The following ULK4 variants were observed in gnomAD, a reference collection of about 807,000 sequenced individuals.
ULK4 encodes inactive serine/threonine-protein kinase ULK4.
In ULK4, 133 loss-of-function variants were observed where a neutral mutation model predicts 160.6. That is an observed-to-expected ratio of 0.83 (90% CI 0.72 to 0.96). ULK4 has a LOEUF of 0.96. Ranked by LOEUF, ULK4 falls within the 40% of genes least tolerant of loss-of-function variation. The pLI, the probability that ULK4 is intolerant of heterozygous loss-of-function variation, is 0.00. For missense variants in ULK4, 1,580 were observed against 1,499.5 expected, an observed-to-expected ratio of 1.05 and a Z score of -0.89; for synonymous variants, 534 against 539.8, an observed-to-expected ratio of 0.99 and a Z score of 0.15.
intron 34 of ULK4, among the ~76,000 whole-genome samples, chr3:41,417,174 A>AC (rs1388882191): frequency 6.6e-6 from 1 of 152,180 alleles, no homozygotes; most frequent in Admixed American, 6.5e-5. Context: ...TCTGTTCTGC[A>AC]CAGCACTTGT....
At chr3:41,956,537 G>A (rs1216380901) in intron 1 of ULK4, among the ~76,000 whole-genome samples, 1 of 152,150 alleles carries the variant, frequency 6.6e-6, no homozygotes, top group Non-Finnish European at 1.5e-5. Context: ...TACTGGTCTT[G>A]ACTGGTATGC....
chr3:41,728,183 G>A (rs904909574), intron 22 of ULK4, among the ~76,000 whole-genome samples: 2 of 152,182 alleles, frequency 1.3e-5, no homozygotes, highest in Non-Finnish European at 2.9e-5. Flanking sequence ...TGGTATTTAA[G>A]GCAATTGTCT....
chr3:41,597,042 T>C (rs576908504), intron 31 of ULK4, among the ~76,000 whole-genome samples: 9 of 152,156 alleles, frequency 5.9e-5, no homozygotes, highest in Non-Finnish European at 1.2e-4. Flanking sequence ...TTGGGGTTGG[T>C]GGTCAGGACA....
intron 31 of ULK4, among the ~76,000 whole-genome samples, chr3:41,574,642 T>C (rs1201034745): frequency 1.3e-5 from 2 of 148,640 alleles, no homozygotes. Context: ...CCCGGGTTCA[T>C]GCCATTCTCC....
intron 32 of ULK4, among the ~76,000 whole-genome samples, chr3:41,560,164 G>C (rs1035379431): frequency 2.0e-5 from 3 of 152,196 alleles, no homozygotes; most frequent in African/African-American, 7.2e-5. Flanking sequence ...TCAAAGATCA[G>C]ATGGTTGTAG....
At chr3:41,459,904 G>A (rs1006529032) in intron 33 of ULK4, among the ~76,000 whole-genome samples, 1 of 152,082 alleles carries the variant, frequency 6.6e-6, no homozygotes, top group African/African-American at 2.4e-5. Context: ...GAGTCAGTAA[G>A]TTATAGATAA....
At chr3:41,481,411 T>G (rs558445444) in intron 32 of ULK4, among the ~76,000 whole-genome samples, 13 of 152,188 alleles carry the variant, frequency 8.5e-5, no homozygotes, top group Admixed American at 4.6e-4. Flanking sequence ...TCTACTGGGC[T>G]GCATTCCCAG....
chr3:41,550,494 T>C (rs181973963), intron 32 of ULK4, among the ~76,000 whole-genome samples: 4 of 152,048 alleles, frequency 2.6e-5, no homozygotes, highest in Admixed American at 2.0e-4. Flanking sequence ...TACATTTATA[T>C]AAGATAAAAT....
At chr3:41,589,577 T>C (rs1295833228) in intron 31 of ULK4, among the ~76,000 whole-genome samples, 1 of 152,124 alleles carries the variant, frequency 6.6e-6, no homozygotes, top group Non-Finnish European at 1.5e-5. Context: ...TAGTGCCTTT[T>C]GTAAAAATAA....
At chr3:41,309,749 G>C (rs2080013807) in intron 35 of ULK4, among the ~76,000 whole-genome samples, 2 of 151,988 alleles carry the variant, frequency 1.3e-5, no homozygotes, top group Non-Finnish European at 2.9e-5. Flanking sequence ...GGTTTTATCA[G>C]TAAAAACCCT....
intron 32 of ULK4, among the ~76,000 whole-genome samples, chr3:41,477,731 G>A (rs555103195): frequency 2.6e-5 from 4 of 152,310 alleles, no homozygotes; most frequent in African/African-American, 9.6e-5. Flanking sequence ...ATAAATGTAA[G>A]TATCTGTGAA....
In ULK4 at chr3:41,528,489, A is replaced by G. The variant is rs566889555; in HGVS notation, c.3226+37536T>C. The stretch of plus-strand genomic sequence containing the variant: ...AAGGGGATCTCAAAAGCCTCAAAAA[A>G]TTTATTTACCTGCCGAGTACCTAGA... On this transcript the variant is annotated intron_variant, in intron 32 of 36. Transcript: ENST00000301831. Among the ~76,000 whole-genome samples the G allele has an allele frequency of 2.0e-5, 3 of 152,294 alleles. No homozygotes were observed. In the South Asian group the frequency reaches 6.2e-4, roughly 32 times the overall value.
chr3:41,870,724 CA>C (rs1230012725), intron 17 of ULK4, among the ~76,000 whole-genome samples: 1 of 151,180 alleles, frequency 6.6e-6, no homozygotes, highest in Non-Finnish European at 1.5e-5. Flanking sequence ...CCACTGCAAT[CA>C]AAAAACAGAA....
rs1162376006 is a variant in ULK4, at chr3:41,814,586, GAT to G, written c.1848+4835_1848+4836del. On this transcript the variant is annotated intron_variant, in intron 19 of 36. Coordinates refer to ENST00000301831, the MANE Select transcript of ULK4 (RefSeq NM_017886.4). ...TTTTGTCTGTTTTATCAGATACTGA[GAT>G]ATGTGTTTAAATTGCCCTCTTAGGG... Among the ~76,000 whole-genome samples the G allele has an allele frequency of 2.0e-5, 3 of 152,056 alleles. No individual in the cohort carries two copies. In the South Asian group the frequency reaches 6.2e-4, roughly 32 times the overall value.
intron 31 of ULK4, among the ~76,000 whole-genome samples, chr3:41,580,397 C>A (rs1343738372): frequency 2.0e-5 from 3 of 150,352 alleles, no homozygotes; most frequent in Non-Finnish European, 4.4e-5. Context: ...TTTAAAAAAA[C>A]CTGTTTGGGA....
chr3:41,428,850 CAA>C (rs1251832233), intron 34 of ULK4, among the ~76,000 whole-genome samples: 1 of 151,974 alleles, frequency 6.6e-6, no homozygotes, highest in Non-Finnish European at 1.5e-5. Context: ...CAGGCATGGG[CAA>C]AGATTTTATG....
intron 35 of ULK4, among the ~76,000 whole-genome samples, chr3:41,276,566 C>G (rs1430588336): frequency 6.6e-6 from 1 of 152,214 alleles, no homozygotes; most frequent in Non-Finnish European, 1.5e-5. Flanking sequence ...AGCTCTTTGT[C>G]TTCAGTCTTT....
At chr3:41,800,393 C>T in intron 19 of ULK4, 100 bp from the exon 20 acceptor site, 2 of 1,224,690 alleles carry the variant, frequency 1.6e-6, no homozygotes, top group Non-Finnish European at 2.3e-6. Flanking sequence ...AAGACAGTAA[C>T]ATGCCTCTGG....
At chr3:41,893,765 T>A (rs1698053897) in intron 16 of ULK4, among the ~76,000 whole-genome samples, 1 of 152,168 alleles carries the variant, frequency 6.6e-6, no homozygotes, top group Non-Finnish European at 1.5e-5. Flanking sequence ...AATATATATG[T>A]TACAGGGGAA....
Sources: allele counts gnomAD v4.1 joint callset (sites outside exome capture counted in the v4.1 genomes callset), GRCh38; gene constraint gnomAD v4.1.1; transcripts MANE v1.5; gene names NCBI Gene and HGNC (gene_info 2026-07-23, HGNC 2026-07-21).